WDFY3: variants seen among roughly 807,000 people sequenced by gnomAD.
WDFY3 encodes the protein WD repeat and FYVE domain containing 3, also known as WD repeat and FYVE domain-containing protein 3.
WDFY3 carries 66 observed loss-of-function variants against 409.6 expected under a neutral mutation model. The observed-to-expected ratio is 0.16, with a 90% CI of 0.13 to 0.20. The LOEUF (loss-of-function observed/expected upper bound fraction) is 0.20. Ranked by LOEUF, WDFY3 falls within the 10% of genes least tolerant of loss-of-function variation. The probability of loss-of-function intolerance (pLI) is 1.00; values close to 1 mark genes in which losing one functional copy is unlikely to be tolerated. For synonymous variants in WDFY3, 1,521 were observed against 1,537.1 expected (o/e 0.99, Z 0.25); for missense variants, 3,031 against 4,298.1 (o/e 0.71, Z 8.24).
intron 2 of WDFY3, among the ~76,000 whole-genome samples, chr4:84,927,090 T>A (rs1044226996): frequency 1.3e-5 from 2 of 152,198 alleles, no homozygotes; most frequent in Admixed American, 1.3e-4. Flanking sequence ...AACAATGAGG[T>A]GTTTGTTTAC....
At chr4:84,678,799 G>C in intron 65 of WDFY3, 120 bp downstream of exon 65, 1 of 1,111,134 alleles carries the variant, frequency 9.0e-7, no homozygotes, top group Non-Finnish European at 1.3e-6. Context: ...TGTGTGAGTG[G>C]CCCAGCTCAC....
At chr4:84,850,306 T>C (rs1173115645) in intron 4 of WDFY3, among the ~76,000 whole-genome samples, 1 of 147,728 alleles carries the variant, frequency 6.8e-6, no homozygotes, top group Non-Finnish European at 1.5e-5. Flanking sequence ...CGAAAAACAT[T>C]AGAAATTATA....
At chr4:84,680,608 C>G (rs1727192230) in intron 64 of WDFY3, among the ~76,000 whole-genome samples, 1 of 152,170 alleles carries the variant, frequency 6.6e-6, no homozygotes, top group African/African-American at 2.4e-5. Context: ...GTATACCTGG[C>G]CCTCCATTTC....
At chr4:84,784,728 C>T (rs1172794034) in intron 24 of WDFY3, among the ~76,000 whole-genome samples, 1 of 150,968 alleles carries the variant, frequency 6.6e-6, no homozygotes, top group Admixed American at 6.6e-5. Context: ...ATCCCAGCTA[C>T]TCAGGAGGCT....
At position 84,688,523 on chromosome 4, in the gene WDFY3, G is replaced by A. The variant is rs189800597; in HGVS notation, c.9364-258C>T. Among the ~76,000 whole-genome samples, 33 of 152,236 alleles carry A rather than the reference G, an allele frequency of 2.2e-4. No individual in the cohort carries two copies. The East Asian group carries it at 6.4e-3, about 29-fold the overall frequency. On this transcript the variant is annotated intron_variant, in intron 61 of 67. Coordinates refer to ENST00000295888, the MANE Select transcript of WDFY3 (RefSeq NM_014991.6). ...TTACTTTCACATTAGTTCTTTCCTG[G>A]AGTTGGGCCAGGATCTTAGAAGGAA...
At chr4:84,933,038 C>T (rs1202301843) in intron 1 of WDFY3, among the ~76,000 whole-genome samples, 1 of 152,152 alleles carries the variant, frequency 6.6e-6, no homozygotes, top group Non-Finnish European at 1.5e-5. Context: ...TAGTCAAACA[C>T]ATTTTGGTCC....
chr4:84,805,592 G>C (rs186331669), intron 15 of WDFY3, among the ~76,000 whole-genome samples: 9 of 152,128 alleles, frequency 5.9e-5, no homozygotes, highest in Admixed American at 3.3e-4. Flanking sequence ...TGCAAAGATA[G>C]GATAAAATTA....
intron 32 of WDFY3, 70 bp downstream of exon 32, chr4:84,765,722 AACCGCAGAGGATAAGTTT>A: frequency 8.9e-7 from 1 of 1,118,394 alleles, no homozygotes; most frequent in South Asian, 1.5e-5. Context: ...ATGGTGATCA[AACCGCAGAGGATAAGTTT>A]ACATAAAATT....
intron 32 of WDFY3, among the ~76,000 whole-genome samples, chr4:84,764,853 A>AGACT (rs951157405): frequency 2.0e-5 from 3 of 151,066 alleles, no homozygotes; most frequent in African/African-American, 4.9e-5. Context: ...CGACAGAGCT[A>AGACT]GACTCCGACT....
intron 3 of WDFY3, among the ~76,000 whole-genome samples, chr4:84,871,196 CATAAAG>C (rs1762085806): frequency 6.6e-6 from 1 of 151,866 alleles, no homozygotes; most frequent in South Asian, 2.1e-4. Context: ...GTGAATCAAA[CATAAAG>C]AGAAAATCAT....
At chr4:84,805,653 T>C (rs1751387400) in intron 15 of WDFY3, among the ~76,000 whole-genome samples, 1 of 152,172 alleles carries the variant, frequency 6.6e-6, no homozygotes, top group Non-Finnish European at 1.5e-5. Context: ...TTCTCATATA[T>C]ATTTAAGATT....
intron 46 of WDFY3, 104 bp downstream of exon 46, chr4:84,724,322 T>C: frequency 7.6e-7 from 1 of 1,316,972 alleles, no homozygotes; most frequent in Non-Finnish European, 1.0e-6. Context: ...ATGGATATTT[T>C]TAAAGTTGGC....
At chr4:84,875,397 C>T (rs779397820) in intron 3 of WDFY3, among the ~76,000 whole-genome samples, 2 of 152,090 alleles carry the variant, frequency 1.3e-5, no homozygotes, top group Non-Finnish European at 1.5e-5. Context: ...ACTGCAGTTG[C>T]TCTGGGTGAG....
chr4:84,786,644 G>A (rs142411083), intron 23 of WDFY3, among the ~76,000 whole-genome samples: 6 of 152,246 alleles, frequency 3.9e-5, no homozygotes, highest in East Asian at 3.9e-4. Context: ...AAAGCTGTGC[G>A]ACCTATATGT....
At chr4:84,678,787 T>C in intron 65 of WDFY3, 132 bp downstream of exon 65, 1 of 970,396 alleles carries the variant, frequency 1.0e-6, no homozygotes, top group Non-Finnish European at 1.5e-6. Flanking sequence ...AAAGAGGCAT[T>C]CTGTGTGAGT....
chr4:84,696,761 G>A lies in WDFY3; in HGVS notation c.8659C>T (p.Pro2887Ser). The change falls in exon 57 of 68, where the codon CCA (proline) becomes TCA (serine). Residue 2887 changes from proline (P) to serine (S), a missense_variant. By Grantham distance (74) the Pro-to-Ser change is moderately conservative. Coordinates refer to ENST00000295888, the MANE Select transcript of WDFY3 (RefSeq NM_014991.6). ...CGATGGACTCTGATGAATTCTCGTG[G>A]GTCCCCTTTTGCCCAGGGTGGAAGG... ...VILPPWAKGD[P>S]REFIRVHREA... 6.2e-7 allele frequency: 1 copy of A among 1,613,700 alleles called. No homozygotes were observed. Among genetic ancestry groups the A allele is most frequent in the Non-Finnish European group, 8.5e-7 (1 of 1,179,868 alleles).
At chr4:84,772,747 A>G (rs1744884110) in intron 30 of WDFY3, 88 bp downstream of exon 30, 2 of 1,003,116 alleles carry the variant, frequency 2.0e-6, no homozygotes, top group South Asian at 3.0e-5. Flanking sequence ...ATATAATCAC[A>G]TGTAATTCAG....
chr4:84,703,608 G>A (rs564542058), intron 55 of WDFY3, among the ~76,000 whole-genome samples: 1 of 152,260 alleles, frequency 6.6e-6, no homozygotes, highest in South Asian at 2.1e-4. Flanking sequence ...GCCTGCCTTA[G>A]AGCCCTTGCA....
intron 1 of WDFY3, among the ~76,000 whole-genome samples, chr4:84,949,896 T>C (rs1316288849): frequency 6.6e-6 from 1 of 152,160 alleles, no homozygotes; most frequent in Admixed American, 6.5e-5. Context: ...GAATTCTAAA[T>C]ACTGTGGCTA....
Sources: allele counts gnomAD v4.1 joint callset (sites outside exome capture counted in the v4.1 genomes callset), GRCh38; gene constraint gnomAD v4.1.1; transcripts MANE v1.5; gene names NCBI Gene and HGNC (gene_info 2026-07-23, HGNC 2026-07-21).